AKAP13: variants seen among roughly 807,000 people sequenced by gnomAD.
AKAP13 encodes the protein A-kinase anchoring protein 13, also known as A-kinase anchor protein 13.
A neutral mutation model predicts 264.5 loss-of-function variants in AKAP13; 80 were observed. The ratio of observed to expected loss-of-function variants is 0.30; its 90% CI spans 0.25 to 0.36. The LOEUF (loss-of-function observed/expected upper bound fraction) is 0.36, where lower values mean the gene tolerates loss of function less well. AKAP13 is among the 10% of genes least tolerant of loss of function. The probability of loss-of-function intolerance (pLI) is 1.00; values close to 1 mark genes in which losing one functional copy is unlikely to be tolerated. For missense variants in AKAP13, 3,712 were observed against 3,435.2 expected (o/e 1.08, Z -2.01); for synonymous variants, 1,380 against 1,250.2 (o/e 1.10, Z -2.19).
At chr15:85,626,094 A>G (rs1686654013) in intron 8 of AKAP13, among the ~76,000 whole-genome samples, 1 of 152,232 alleles carries the variant, frequency 6.6e-6, no homozygotes, top group African/African-American at 2.4e-5. Flanking sequence ...CACAGTACAT[A>G]TGGAGCTTGT....
At chr15:85,641,427 C>T (rs1018783050) in intron 9 of AKAP13, among the ~76,000 whole-genome samples, 11 of 148,120 alleles carry the variant, frequency 7.4e-5, no homozygotes, top group African/African-American at 2.0e-4. Flanking sequence ...GCCTGGGCGA[C>T]GGAGCAAGAC....
Position 85,581,931 on chromosome 15 carries a change from T to G in AKAP13, c.3863T>G (p.Leu1288Arg). The stretch of plus-strand genomic sequence containing the variant: ...CTGTCCAGCCCTGAGTTGGGTCCTC[T>G]CACTAAAGGACTAGAGAGTGCTTTT... Reference protein sequence around the residue: ...MSLSSPELGPLTKGLESAFTE... With the variant: ...MSLSSPELGPRTKGLESAFTE... Residue 1288 changes from leucine (L) to arginine (R), a missense_variant, in exon 7 of 37, where the codon CTC becomes CGC. This residue lies in a region of AKAP13 where 2,759 missense variants were observed against 2,411.7 expected (regional missense o/e 1.14). Transcript: ENST00000394518. 1 of 1,614,124 alleles carries G rather than the reference T, an allele frequency of 6.2e-7. No individual in the cohort carries two copies. Among genetic ancestry groups the G allele is most frequent in the Non-Finnish European group, 8.5e-7 (1 of 1,180,016 alleles).
chr15:85,404,898 A>C, intron 1 of AKAP13, among the ~76,000 whole-genome samples: 1 of 151,704 alleles, frequency 6.6e-6, no homozygotes, highest in East Asian at 1.9e-4. Context: ...GCTTGCACTT[A>C]CCTCCTTCTA....
chr15:85,652,768 C>CT (rs2082916366), intron 10 of AKAP13, among the ~76,000 whole-genome samples: 1 of 152,122 alleles, frequency 6.6e-6, no homozygotes, highest in Non-Finnish European at 1.5e-5. Context: ...TTGTTCAGTC[C>CT]TTGGTGTTCC....
At chr15:85,714,249 A>G (rs1301336192) in intron 19 of AKAP13, among the ~76,000 whole-genome samples, 1 of 152,240 alleles carries the variant, frequency 6.6e-6, no homozygotes, top group East Asian at 1.9e-4. Context: ...GTGGAAGTAG[A>G]TCATCATAAA....
At position 85,669,837 on chromosome 15, in the gene AKAP13, ATAC is replaced by A; in HGVS notation, c.5101+12_5101+14del. 2 of 1,569,902 alleles carry A rather than the reference ATAC, an allele frequency of 1.3e-6. No homozygotes were observed. Among genetic ancestry groups the A allele is most frequent in the Non-Finnish European group, 1.7e-6 (2 of 1,144,402 alleles). On this transcript the variant is annotated splice_region_variant and intron_variant, in intron 14 of 36. Coordinates refer to ENST00000394518, the MANE Select transcript of AKAP13 (RefSeq NM_007200.5). The stretch of plus-strand genomic sequence containing the variant: ...AGCCATCCTGGATTGGACAGTGAGT[ATAC>A]TACTTTTTAAAAAAATTAAATATAT...
intron 10 of AKAP13, among the ~76,000 whole-genome samples, chr15:85,651,297 T>G (rs2082831742): frequency 6.6e-6 from 1 of 152,190 alleles, no homozygotes; most frequent in African/African-American, 2.4e-5. Context: ...ATCCTACAAT[T>G]AACTTTTAAT....
intron 9 of AKAP13, among the ~76,000 whole-genome samples, chr15:85,639,735 A>G (rs1438529245): frequency 2.0e-5 from 3 of 152,228 alleles, no homozygotes; most frequent in South Asian, 2.1e-4. Context: ...TAATCTGGTA[A>G]AAGTATAAAT....
At chr15:85,690,687 A>G (rs538150943) in intron 16 of AKAP13, among the ~76,000 whole-genome samples, 4 of 152,232 alleles carry the variant, frequency 2.6e-5, no homozygotes, top group Non-Finnish European at 5.9e-5. Flanking sequence ...ACAGAAAGTC[A>G]GAAGACCTGG....
At chr15:85,418,061 TATTATC>T (rs1567046821) in intron 1 of AKAP13, among the ~76,000 whole-genome samples, 2 of 142,336 alleles carry the variant, frequency 1.4e-5, no homozygotes, top group African/African-American at 5.0e-5. Flanking sequence ...TTATTATTAT[TATTATC>T]ATTATTATTA....
intron 9 of AKAP13, among the ~76,000 whole-genome samples, chr15:85,643,004 A>G (rs1428003992): frequency 1.4e-5 from 2 of 145,634 alleles, no homozygotes; most frequent in Non-Finnish European, 3.0e-5. Flanking sequence ...AGGTTACTAC[A>G]TACTCTAGGA....
Position 85,730,614 on chromosome 15 carries a change from T to C in AKAP13, c.7189T>C (p.Cys2397Arg). ...GTGCAGCACCCCTCTCCCAGAGGAT[T>C]GCTCCCCAACACATAGCCCTAGAGT... The part of the protein sequence containing the change: ...AECSTPLPED[C>R]SPTHSPRVLF... The change falls in exon 30 of 37, where the codon TGC (cysteine) becomes CGC (arginine). Residue 2397 changes from cysteine (C) to arginine (R), a missense_variant. Coordinates refer to ENST00000394518, the MANE Select transcript of AKAP13 (RefSeq NM_007200.5). 1 of 1,614,154 alleles carries C rather than the reference T, an allele frequency of 6.2e-7. No individual in the cohort carries two copies. The highest frequency in any genetic ancestry group is 2.2e-5 in the East Asian group (1 of 44,882).
At chr15:85,689,182 A>G (rs2085119095) in intron 16 of AKAP13, among the ~76,000 whole-genome samples, 1 of 152,234 alleles carries the variant, frequency 6.6e-6, no homozygotes, top group Admixed American at 6.5e-5. Flanking sequence ...AGCTGCAAGT[A>G]TACTACATGA....
Position 85,736,212 on chromosome 15 carries a change from T to C in AKAP13, c.7557+78T>C, listed in dbSNP as rs563341829. On this transcript the variant is annotated intron_variant, in intron 33 of 36. Coordinates refer to ENST00000394518, the MANE Select transcript of AKAP13 (RefSeq NM_007200.5). ...GTTAGGAATATTGTTTTTTCCTTTTTTTTTTTTCTTTTTGCTGTTACAAAG... is the reference window on the plus strand; with the variant it reads ...GTTAGGAATATTGTTTTTTCCTTTTCTTTTTTTCTTTTTGCTGTTACAAAG... 8.7e-6 allele frequency: 11 copies of C among 1,263,716 alleles called. No individual in the cohort carries two copies. The African/African-American group carries it at 1.2e-4, about 14-fold the overall frequency. The allele number at this position is 1,263,716 out of a possible 1,614,324, so 78.3% of individuals were successfully genotyped here. A position where few individuals can be genotyped will look rare whatever the true frequency, so the allele number is the denominator to read the frequency against.
At chr15:85,429,727 T>C (rs1477279756) in intron 1 of AKAP13, among the ~76,000 whole-genome samples, 8 of 152,218 alleles carry the variant, frequency 5.3e-5, no homozygotes, top group Non-Finnish European at 1.0e-4. Flanking sequence ...TTCTCAGTCC[T>C]GGCTCTGGAT....
chr15:85,575,295 T>C lies in AKAP13; in HGVS notation c.827T>C (p.Ile276Thr). 2 of 1,614,194 alleles carry C rather than the reference T, an allele frequency of 1.2e-6. No homozygotes were observed. Among genetic ancestry groups the C allele is most frequent in the Non-Finnish European group, 1.7e-6 (2 of 1,180,028 alleles). Residue 276 changes from isoleucine (I) to threonine (T), a missense_variant, in exon 6 of 37, where the codon ATT becomes ACT. Ile to Thr is a moderately conservative substitution (Grantham distance 89). Around this residue, in one of 3 missense-constraint regions of AKAP13, gnomAD observed 2,759 missense variants for 2,411.7 expected, o/e 1.14. Coordinates refer to ENST00000394518, the MANE Select transcript of AKAP13 (RefSeq NM_007200.5). ...CCTGGAGACGGTTGCACTGGACCAA[T>C]TTTTAAACTTATGAACATCCAACAG... Reference protein sequence around the residue: ...PFPGDGCTGPIFKLMNIQQQL... With the variant: ...PFPGDGCTGPTFKLMNIQQQL...
At chr15:85,423,674 C>T (rs1024411133) in intron 1 of AKAP13, among the ~76,000 whole-genome samples, 1 of 152,216 alleles carries the variant, frequency 6.6e-6, no homozygotes, top group African/African-American at 2.4e-5. Context: ...TTGATGTTCT[C>T]CCCTGAATTG....
At chr15:85,501,454 G>A (rs2076035407) in intron 2 of AKAP13, among the ~76,000 whole-genome samples, 1 of 152,186 alleles carries the variant, frequency 6.6e-6, no homozygotes. Context: ...TTTTTCTGGT[G>A]AGTATGGGAC....
intron 1 of AKAP13, among the ~76,000 whole-genome samples, chr15:85,468,177 A>T (rs1194854761): frequency 6.6e-6 from 1 of 152,224 alleles, no homozygotes; most frequent in East Asian, 1.9e-4. Flanking sequence ...TAAGGCTGCA[A>T]GAAGCTGAAA....
Sources: gnomAD v4.1 joint callset for allele counts (sites outside exome capture counted in the v4.1 genomes callset) on GRCh38, gnomAD v4.1.1 for gene constraint, gnomAD v4.1.1 regional missense constraint, MANE v1.5 for transcripts, NCBI Gene and HGNC (gene_info 2026-07-23, HGNC 2026-07-21) for gene names.